Variants in OPCML observed in about 807,000 individuals in gnomAD.
OPCML encodes the protein opioid binding protein/cell adhesion molecule like, also known as opioid-binding protein/cell adhesion molecule.
Under a neutral mutation model 37.8 loss-of-function variants are expected in OPCML, and 13 were observed. That is an observed-to-expected ratio of 0.34 (90% CI 0.22 to 0.55). The LOEUF is 0.55. OPCML is among the 20% of genes least tolerant of loss of function. OPCML has a pLI of 0.91. For missense variants in OPCML, 341 were observed against 435.6 expected (o/e 0.78, Z 1.93); for synonymous variants, 176 against 168.8 (o/e 1.04, Z -0.33).
intron 1 of OPCML, among the ~76,000 whole-genome samples, chr11:133,319,383 G>C (rs1943277423): frequency 6.6e-6 from 1 of 152,126 alleles, no homozygotes; most frequent in African/African-American, 2.4e-5. Flanking sequence ...TGTCCCTTAA[G>C]TCTCCCTTAT....
intron 7 of OPCML, among the ~76,000 whole-genome samples, chr11:132,430,269 A>G (rs2095992103): frequency 6.6e-6 from 1 of 151,908 alleles, no homozygotes. Flanking sequence ...TAATACAGAC[A>G]TGGAACGAGA....
chr11:133,439,020 G>A (rs1285961052), intron 1 of OPCML, among the ~76,000 whole-genome samples: 2 of 152,120 alleles, frequency 1.3e-5, no homozygotes, highest in African/African-American at 2.4e-5. Context: ...GTTCTATTCT[G>A]TATAATCAGC....
intron 1 of OPCML, among the ~76,000 whole-genome samples, chr11:133,332,268 G>A (rs1943635792): frequency 6.6e-6 from 1 of 152,112 alleles, no homozygotes; most frequent in South Asian, 2.1e-4. Flanking sequence ...AGTAATTTTT[G>A]CACATTGATT....
chr11:132,890,416 G>C (rs1943593338), intron 2 of OPCML, among the ~76,000 whole-genome samples: 1 of 152,146 alleles, frequency 6.6e-6, no homozygotes, highest in Admixed American at 6.6e-5. Flanking sequence ...TTGGAGACCG[G>C]AGAAGTGAAG....
intron 4 of OPCML, among the ~76,000 whole-genome samples, chr11:132,468,326 AC>A (rs1281746937): frequency 6.6e-6 from 1 of 151,880 alleles, no homozygotes; most frequent in Non-Finnish European, 1.5e-5. Flanking sequence ...TTCTATCCAT[AC>A]CCCCATCCTT....
intron 2 of OPCML, among the ~76,000 whole-genome samples, chr11:132,743,894 G>C (rs995469639): frequency 1.3e-5 from 2 of 152,138 alleles, no homozygotes; most frequent in African/African-American, 4.8e-5. Context: ...AACTCAGATC[G>C]CATTCTAGCA....
intron 1 of OPCML, among the ~76,000 whole-genome samples, chr11:132,961,465 A>T (rs1946092339): frequency 6.6e-6 from 1 of 152,210 alleles, no homozygotes; most frequent in Non-Finnish European, 1.5e-5. Context: ...TGATGGACAC[A>T]TTTAAGGTGG....
chr11:133,511,334 C>A (rs1051487485), intron 1 of OPCML, among the ~76,000 whole-genome samples: 1 of 152,172 alleles, frequency 6.6e-6, no homozygotes, highest in Non-Finnish European at 1.5e-5. Context: ...TCTGAATGAG[C>A]TCCTCATCTA....
At chr11:132,524,076 C>T (rs552544306) in intron 4 of OPCML, among the ~76,000 whole-genome samples, 8 of 152,260 alleles carry the variant, frequency 5.3e-5, no homozygotes, top group South Asian at 4.2e-4. Flanking sequence ...TCGCAGTGGA[C>T]GACTATGGCA....
chr11:133,043,108 A>G (rs1341820130), intron 1 of OPCML, among the ~76,000 whole-genome samples: 1 of 152,148 alleles, frequency 6.6e-6, no homozygotes, highest in Non-Finnish European at 1.5e-5. Flanking sequence ...GGTCGGCTCA[A>G]GCAAACCACA....
intron 1 of OPCML, among the ~76,000 whole-genome samples, chr11:133,390,582 G>A (rs946582019): frequency 6.6e-6 from 1 of 152,198 alleles, no homozygotes; most frequent in African/African-American, 2.4e-5. Flanking sequence ...CCAGCCAAGA[G>A]AGGTAAGGGG....
intron 1 of OPCML, chr11:133,026,390 G>T: frequency 1.0e-6 from 1 of 985,392 alleles, no homozygotes; most frequent in Non-Finnish European, 1.2e-6. Flanking sequence ...TGACGAGTGA[G>T]CACCTTGCCT....
intron 1 of OPCML, among the ~76,000 whole-genome samples, chr11:133,383,239 C>T (rs1944969800): frequency 6.6e-6 from 1 of 152,172 alleles, no homozygotes; most frequent in South Asian, 2.1e-4. Flanking sequence ...CCAGAGACCC[C>T]CATCCAGAGC....
At chr11:133,308,958 A>T (rs534819255) in intron 1 of OPCML, among the ~76,000 whole-genome samples, 2 of 152,354 alleles carry the variant, frequency 1.3e-5, no homozygotes, top group South Asian at 4.1e-4. Flanking sequence ...TCACATTGAT[A>T]TAAACGAATA....
At chr11:133,232,171 C>T (rs1940308348) in intron 1 of OPCML, among the ~76,000 whole-genome samples, 1 of 152,026 alleles carries the variant, frequency 6.6e-6, no homozygotes, top group South Asian at 2.1e-4. Flanking sequence ...TGAACCCAGC[C>T]CCAGTGGCTC....
At chr11:133,492,338 C>T (rs553283230) in intron 1 of OPCML, among the ~76,000 whole-genome samples, 6 of 152,244 alleles carry the variant, frequency 3.9e-5, no homozygotes, top group Admixed American at 3.3e-4. Flanking sequence ...TGCTTTTGGC[C>T]TTTTTTTCTT....
intron 1 of OPCML, among the ~76,000 whole-genome samples, chr11:133,270,637 G>A (rs1020128089): frequency 1.3e-5 from 2 of 152,170 alleles, no homozygotes; most frequent in Admixed American, 1.3e-4. Flanking sequence ...TGACAGAGTG[G>A]AAACACTGTA....
chr11:132,962,397 G>T (rs914722130), intron 1 of OPCML, among the ~76,000 whole-genome samples: 1 of 152,194 alleles, frequency 6.6e-6, no homozygotes, highest in African/African-American at 2.4e-5. Context: ...ACATTCGTTT[G>T]CAATTAGCAA....
chr11:133,333,091 T>A (rs1943660118), intron 1 of OPCML, among the ~76,000 whole-genome samples: 1 of 152,118 alleles, frequency 6.6e-6, no homozygotes, highest in Admixed American at 6.6e-5. Context: ...CAGAGTCTCG[T>A]TTTGTTACCC....
Sources: allele counts gnomAD v4.1 joint callset (sites outside exome capture counted in the v4.1 genomes callset), GRCh38; gene constraint gnomAD v4.1.1; transcripts MANE v1.5; gene names NCBI Gene and HGNC (gene_info 2026-07-23, HGNC 2026-07-21).